Variants in UTRN observed in about 807,000 individuals in gnomAD.
The protein encoded by UTRN is utrophin.
In UTRN, 283 loss-of-function variants were observed where a neutral mutation model predicts 463.9. The ratio of observed to expected loss-of-function variants is 0.61; its 90% CI spans 0.55 to 0.67. UTRN has a LOEUF of 0.67. Ranked by LOEUF, UTRN falls within the 30% of genes least tolerant of loss-of-function variation. The pLI is 0.00. For missense variants in UTRN, 3,922 were observed against 4,084.3 expected, an observed-to-expected ratio of 0.96 and a Z score of 1.08; for synonymous variants, 1,442 against 1,431.5, an observed-to-expected ratio of 1.01 and a Z score of -0.17.
chr6:144,370,355 G>A lies in UTRN; in HGVS notation c.80-32768G>A, dbSNP rs61128349. On this transcript the variant is annotated intron_variant, in intron 2 of 74. Coordinates refer to ENST00000367545, the MANE Select transcript of UTRN (RefSeq NM_007124.3). ...AAGGGGCCAACGTATAGCTCAGGCC[G>A]TTGATTCAAAGGGTGCAAGCCCCAA... 9.9e-3 allele frequency among the ~76,000 whole-genome samples: 1,508 copies of A among 152,310 alleles called. 26 individuals are homozygous for A. The highest frequency in any genetic ancestry group is 0.035 in the African/African-American group (1,436 of 41,554).
chr6:144,823,952 C>G (rs1779810066), intron 66 of UTRN, among the ~76,000 whole-genome samples: 1 of 152,116 alleles, frequency 6.6e-6, no homozygotes, highest in African/African-American at 2.4e-5. Flanking sequence ...AGTTTAACTA[C>G]AGTTGCAGTT....
intron 32 of UTRN, among the ~76,000 whole-genome samples, chr6:144,492,582 T>C (rs983534860): frequency 7.2e-5 from 11 of 152,236 alleles, no homozygotes; most frequent in Non-Finnish European, 1.3e-4. Context: ...TTTAGTTCTT[T>C]GAGATATTTC....
intron 60 of UTRN, among the ~76,000 whole-genome samples, chr6:144,775,056 G>A (rs1775200285): frequency 6.6e-6 from 1 of 152,182 alleles, no homozygotes; most frequent in South Asian, 2.1e-4. Context: ...GATAGTTGAT[G>A]TGGAAAGTGA....
At chr6:144,833,742 C>T (rs1432909761) in intron 69 of UTRN, among the ~76,000 whole-genome samples, 1 of 152,206 alleles carries the variant, frequency 6.6e-6, no homozygotes, top group Non-Finnish European at 1.5e-5. Flanking sequence ...GCTGACTTTG[C>T]ATTGTGTAAT....
At chr6:144,710,224 G>A (rs754756995) in intron 53 of UTRN, among the ~76,000 whole-genome samples, 1 of 152,160 alleles carries the variant, frequency 6.6e-6, no homozygotes, top group Admixed American at 6.6e-5. Context: ...AACACCTAGC[G>A]GTTATAGATC....
At chr6:144,653,413 A>G (rs990434401) in intron 51 of UTRN, among the ~76,000 whole-genome samples, 1 of 151,982 alleles carries the variant, frequency 6.6e-6, no homozygotes, top group Non-Finnish European at 1.5e-5. Context: ...GTGAAATCCC[A>G]TCTCTACTAA....
chr6:144,613,467 A>G (rs1379890730), intron 51 of UTRN, among the ~76,000 whole-genome samples: 2 of 152,142 alleles, frequency 1.3e-5, no homozygotes, highest in Non-Finnish European at 2.9e-5. Context: ...CATGTATCAC[A>G]TTGTATCCCA....
chr6:144,733,561 A>T (rs1184561192), intron 54 of UTRN, among the ~76,000 whole-genome samples: 1 of 151,928 alleles, frequency 6.6e-6, no homozygotes, highest in African/African-American at 2.4e-5. Context: ...TTTTTCAACA[A>T]ATTTTTTACT....
At chr6:144,345,797 G>A (rs936885374) in intron 2 of UTRN, among the ~76,000 whole-genome samples, 2 of 152,124 alleles carry the variant, frequency 1.3e-5, no homozygotes, top group African/African-American at 4.8e-5. Context: ...CTTCATCAAA[G>A]GGTCTTGCTA....
chr6:144,785,852 C>T (rs1468409063), intron 61 of UTRN, among the ~76,000 whole-genome samples: 1 of 152,106 alleles, frequency 6.6e-6, no homozygotes, highest in Non-Finnish European at 1.5e-5. Flanking sequence ...AGTCATCTTA[C>T]CAGATTAAAA....
chr6:144,586,209 A>T (rs1305880012), intron 51 of UTRN, among the ~76,000 whole-genome samples: 1 of 152,080 alleles, frequency 6.6e-6, no homozygotes, highest in Non-Finnish European at 1.5e-5. Flanking sequence ...TTCAAAGAGA[A>T]GGGAGGAATG....
intron 62 of UTRN, among the ~76,000 whole-genome samples, chr6:144,792,650 A>G (rs1297825930): frequency 6.6e-6 from 1 of 152,144 alleles, no homozygotes; most frequent in East Asian, 1.9e-4. Context: ...ACTTTCTTCT[A>G]TTCTTGGAAA....
chr6:144,791,398 C>G (rs777736205), intron 62 of UTRN, among the ~76,000 whole-genome samples: 1 of 152,050 alleles, frequency 6.6e-6, no homozygotes, highest in Admixed American at 6.6e-5. Flanking sequence ...TGGCTAGCTT[C>G]CTTGCCTCAT....
chr6:144,484,432 C>CT (rs765122659), intron 27 of UTRN, among the ~76,000 whole-genome samples: 3,865 of 66,270 alleles, frequency 0.058, 982 homozygotes, highest in African/African-American at 0.18. Flanking sequence ...AAAAACCAAA[C>CT]TTTTTTTTTT....
At chr6:144,416,384 C>A (rs1784367818) in intron 3 of UTRN, among the ~76,000 whole-genome samples, 1 of 152,302 alleles carries the variant, frequency 6.6e-6, no homozygotes, top group East Asian at 1.9e-4. Flanking sequence ...TGAGCAGGAG[C>A]TGCCACTTGA....
Position 144,605,727 on chromosome 6 carries a change from A to C in UTRN, c.7479+28439A>C, listed in dbSNP as rs188003511. Among the ~76,000 whole-genome samples, 13 of 149,706 alleles carry C rather than the reference A, an allele frequency of 8.7e-5. 1 individual carries two copies. In the South Asian group the frequency reaches 2.7e-3, roughly 32 times the overall value. ...TGTTTTGTATCTAACAACTGAACTT[A>C]ATACTTAAGTATAAAGTAAGAAATC... is the stretch of plus-strand genomic sequence containing the variant. On this transcript the variant is annotated intron_variant, in intron 51 of 74. Transcript: ENST00000367545.
rs376731988 is a variant in UTRN, at chr6:144,781,917, G to T, written c.8633-5G>T. ...TGTAAACATTCCTTCTTCTCTCCTGGTTAGTGGATCTCTTAGAGTTGAGTA... is the reference window on the plus strand; with the variant it reads ...TGTAAACATTCCTTCTTCTCTCCTGTTTAGTGGATCTCTTAGAGTTGAGTA... On this transcript the variant is annotated splice_polypyrimidine_tract_variant and splice_region_variant and intron_variant, in intron 60 of 74. Transcript: ENST00000367545. 1 of 1,611,820 alleles carries T rather than the reference G, an allele frequency of 6.2e-7. No individual in the cohort carries two copies. The highest frequency in any genetic ancestry group is 1.3e-5 in the African/African-American group (1 of 74,860).
intron 2 of UTRN, among the ~76,000 whole-genome samples, chr6:144,340,285 G>C (rs999352570): frequency 6.6e-6 from 1 of 152,216 alleles, no homozygotes; most frequent in Non-Finnish European, 1.5e-5. Flanking sequence ...TCTAGTTCTT[G>C]TTGGTAGCTC....
chr6:144,635,082 A>C (rs764005515), intron 51 of UTRN, among the ~76,000 whole-genome samples: 1 of 149,430 alleles, frequency 6.7e-6, no homozygotes, highest in East Asian at 2.0e-4. Flanking sequence ...ATTGTCACCT[A>C]GTATGAAATG....
Sources: allele counts gnomAD v4.1 joint callset (sites outside exome capture counted in the v4.1 genomes callset), GRCh38; gene constraint gnomAD v4.1.1; transcripts MANE v1.5; gene names NCBI Gene and HGNC (gene_info 2026-07-23, HGNC 2026-07-21).